PAK3: variants seen among roughly 807,000 people sequenced by gnomAD.
PAK3 encodes serine/threonine-protein kinase PAK 3.
In PAK3, 4 loss-of-function variants were observed where a neutral mutation model predicts 41.0. The ratio of observed to expected loss-of-function variants is 0.10; its 90% CI spans 0.05 to 0.22. The LOEUF is 0.22. PAK3 is among the 10% of genes least tolerant of loss of function. PAK3 has a pLI of 1.00. For synonymous variants in PAK3, 146 were observed against 139.6 expected (o/e 1.05, Z -0.32); for missense variants, 205 against 409.9 (o/e 0.50, Z 4.32).
At chrX:111,078,889 GC>G (rs1446050796) in intron 1 of PAK3, among the ~76,000 whole-genome samples, 1 of 111,837 alleles carries the variant, frequency 8.9e-6, no homozygotes, top group Non-Finnish European at 1.9e-5. Flanking sequence ...GCTAATATGG[GC>G]AAAGTTTGAG....
chrX:111,162,440 G>A (rs1159174991), intron 8 of PAK3, among the ~76,000 whole-genome samples: 2 of 111,142 alleles, frequency 1.8e-5, no homozygotes, highest in East Asian at 2.8e-4. Context: ...TGTTCTTAGT[G>A]AGTATTTACA....
In PAK3 at chrX:111,223,493, G is replaced by A. The variant is rs1292091559; in HGVS notation, c.*3046G>A. 1.9e-5 allele frequency: 2 copies of A among 107,509 alleles called. No homozygotes were observed. Among genetic ancestry groups the A allele is most frequent in the African/African-American group, 6.8e-5 (2 of 29,448 alleles). The allele number at this position is 107,509 out of a possible 1,213,427, so 8.9% of individuals were successfully genotyped here. A position where few individuals can be genotyped will look rare whatever the true frequency, so the allele number is the denominator to read the frequency against. ...GTGTCCATGTTCCATTTTGGCTACTGGATGGCCAAGCCATGTAAGAAGATT... is the reference window on the plus strand; with the variant it reads ...GTGTCCATGTTCCATTTTGGCTACTAGATGGCCAAGCCATGTAAGAAGATT... On this transcript the variant is annotated 3_prime_UTR_variant, in exon 18 of 18. Coordinates refer to ENST00000372007, the MANE Select transcript of PAK3 (RefSeq NM_002578.5).
chrX:110,975,904 C>G (rs1300198806), intron 1 of PAK3, among the ~76,000 whole-genome samples: 1 of 111,800 alleles, frequency 8.9e-6, no homozygotes, highest in Non-Finnish European at 1.9e-5. Context: ...ACTGGCTAGC[C>G]ATATGTAGAA....
At chrX:110,997,063 C>G (rs942426592) in intron 1 of PAK3, among the ~76,000 whole-genome samples, 2 of 111,436 alleles carry the variant, frequency 1.8e-5, no homozygotes, top group African/African-American at 3.3e-5. Context: ...ACTTTTAAGG[C>G]AAAGAAGAGT....
At chrX:111,136,472 T>C (rs952889210) in intron 5 of PAK3, among the ~76,000 whole-genome samples, 2 of 111,560 alleles carry the variant, frequency 1.8e-5, no homozygotes, top group Non-Finnish European at 3.8e-5. Context: ...AAGAGCAATT[T>C]ACATGCTGGA....
chrX:111,123,169 C>T lies in PAK3; in HGVS notation c.66C>T (p.Asn22=). Residue 22 remains asparagine (N), a synonymous_variant, in exon 5 of 18, where the codon AAC becomes AAT. Coordinates refer to ENST00000372007, the MANE Select transcript of PAK3 (RefSeq NM_002578.5). ...PAPPLRMNSN[N]RDSSALNHSS... The stretch of plus-strand genomic sequence containing the variant: ...CTCCACTGAGGATGAATAGTAACAA[C>T]CGGGATTCTTCAGCACTCAACCACA... 8.3e-7 allele frequency: 1 copy of T among 1,203,558 alleles called. No individual in the cohort carries two copies. The highest frequency in any genetic ancestry group is 3.0e-5 in the East Asian group (1 of 33,788).
At chrX:111,091,623 G>T (rs976135036), upstream of PAK3, among the ~76,000 whole-genome samples, 5 of 111,973 alleles carry the variant, frequency 4.5e-5, no homozygotes, top group African/African-American at 1.6e-4. Flanking sequence ...CCTAGGACAA[G>T]ACCTCTTGGC....
chrX:111,165,663 A>G (rs1307600715), intron 10 of PAK3, among the ~76,000 whole-genome samples: 5 of 112,652 alleles, frequency 4.4e-5, no homozygotes, highest in Admixed American at 9.4e-5. Context: ...TTTATTTTGC[A>G]TATGTAGACA....
In PAK3 at chrX:111,210,777, A is replaced by G. The variant is rs191271335; in HGVS notation, c.1408-5644A>G. 3.6e-5 allele frequency among the ~76,000 whole-genome samples: 4 copies of G among 112,147 alleles called. No individual in the cohort carries two copies. In the East Asian group the frequency reaches 8.4e-4, roughly 24 times the overall value. On this transcript the variant is annotated intron_variant, in intron 16 of 17. Coordinates refer to ENST00000372007, the MANE Select transcript of PAK3 (RefSeq NM_002578.5). ...ACCTGTAAACAAATAACAAGTGTTC[A>G]TATATAATACAATGTAAAAATAGAC...
chrX:111,018,370 A>C (rs1170266559), intron 1 of PAK3, among the ~76,000 whole-genome samples: 1 of 112,364 alleles, frequency 8.9e-6, no homozygotes, highest in African/African-American at 3.2e-5. Flanking sequence ...AACTATTAGA[A>C]CTAATAAATC....
intron 8 of PAK3, among the ~76,000 whole-genome samples, chrX:111,160,735 T>C (rs1172475456): frequency 2.7e-4 from 30 of 110,687 alleles, no homozygotes; most frequent in East Asian, 8.5e-4. Flanking sequence ...TTTGTCCTTG[T>C]GATAGTTTGC....
At chrX:111,161,151 C>T (rs1046581495) in intron 8 of PAK3, among the ~76,000 whole-genome samples, 12 of 111,516 alleles carry the variant, frequency 1.1e-4, no homozygotes, top group South Asian at 7.6e-4. Context: ...TTTTAATGAT[C>T]GCCATTCTAA....
Position 111,103,180 on chromosome X carries a change from C to G in PAK3, c.-154C>G, listed in dbSNP as rs1389644296. On this transcript the variant is annotated 5_prime_UTR_variant, in exon 4 of 18. Coordinates refer to ENST00000372007, the MANE Select transcript of PAK3 (RefSeq NM_002578.5). ...GCAGGTTTCCCCCAAGAAAGAGCAG[C>G]TGAGTCCTTGCATCTTGTGGCAGCT... The G allele has an allele frequency of 8.9e-6, 1 of 111,924 alleles. No individual in the cohort carries two copies. Among genetic ancestry groups the G allele is most frequent in the Non-Finnish European group, 1.9e-5 (1 of 53,197 alleles). The allele number at this position is 111,924 out of a possible 1,213,427, so 9.2% of individuals were successfully genotyped here. A position where few individuals can be genotyped will look rare whatever the true frequency, so the allele number is the denominator to read the frequency against.
Position 110,979,291 on chromosome X carries a change from C to CTTTTTTTTTTTTTTTTTT in PAK3, c.-28+34667_-28+34668insTTTTTTTTTTTTTTTTTT. 1.5e-4 allele frequency among the ~76,000 whole-genome samples: 3 copies of CTTTTTTTTTTTTTTTTTT among 19,827 alleles called. 1 individual carries two copies. Among genetic ancestry groups the CTTTTTTTTTTTTTTTTTT allele is most frequent in the Non-Finnish European group, 1.7e-4 (1 of 5,822 alleles). 17.2% of individuals were successfully genotyped at this position (19,827 alleles called of 115,157 possible). On this transcript the variant is annotated intron_variant, in intron 1 of 14. Coordinates refer to the PAK3 transcript ENST00000425146. Reference sequence around the variant, plus strand: ...CTTGTTTTATTCATTTTCTCTATTACTTTTCTTTTTTTTTTTTTTTTTTTT... The same window carrying CTTTTTTTTTTTTTTTTTT: ...CTTGTTTTATTCATTTTCTCTATTACTTTTTTTTTTTTTTTTTTTTTTCTTTTTTTTTTTTTTTTTTTT...
intron 5 of PAK3, 140 bp from the exon 6 acceptor site, chrX:111,141,956 T>A: frequency 2.0e-6 from 1 of 498,984 alleles, no homozygotes; most frequent in Non-Finnish European, 3.6e-6. Flanking sequence ...TAATTGGAAT[T>A]TCTGGAGTTA....
intron 1 of PAK3, among the ~76,000 whole-genome samples, chrX:110,978,650 TTTTC>T (rs774207174): frequency 1.4e-4 from 16 of 111,301 alleles, no homozygotes; most frequent in Middle Eastern, 4.6e-3. Flanking sequence ...CCTTCTTTCT[TTTTC>T]TTTCTTTCTT....
Position 111,142,187 on chromosome X carries a change from G to A in PAK3, c.267G>A (p.Gly89=). Residue 89 remains glycine, a synonymous_variant, in exon 6 of 18, where the codon GGG becomes GGA. Transcript: ENST00000372007. The part of the protein sequence containing the change: ...TIHVGFDAVT[G]EFTGIPEQWA... ...ATGTGGGGTTTGATGCAGTCACCGG[G>A]GAATTCACTGTAAGTAAGCTCCTTG... The A allele has an allele frequency of 9.2e-7, 1 of 1,082,272 alleles. No individual in the cohort carries two copies. The highest frequency in any genetic ancestry group is 1.3e-6 in the Non-Finnish European group (1 of 777,042). 89.2% of individuals were successfully genotyped at this position (1,082,272 alleles called of 1,213,427 possible). A position where few individuals can be genotyped will look rare whatever the true frequency, so the allele number is the denominator to read the frequency against.
intron 1 of PAK3, among the ~76,000 whole-genome samples, chrX:111,014,324 C>CT (rs751361766): frequency 5.4e-5 from 6 of 111,030 alleles, no homozygotes; most frequent in Non-Finnish European, 1.1e-4. Context: ...TCAGCAGCAC[C>CT]TTTTTTTTCA....
intron 4 of PAK3, among the ~76,000 whole-genome samples, chrX:111,118,165 G>A (rs1403886822): frequency 8.9e-6 from 1 of 112,219 alleles, no homozygotes; most frequent in East Asian, 2.8e-4. Flanking sequence ...TGGAAGGCTA[G>A]ATGATTTTTT....
Sources: allele counts gnomAD v4.1 joint callset (sites outside exome capture counted in the v4.1 genomes callset), GRCh38; gene constraint gnomAD v4.1.1; transcripts MANE v1.5; gene names NCBI Gene and HGNC (gene_info 2026-07-23, HGNC 2026-07-21).